The following LYPD6B variants were observed in gnomAD, a reference collection of about 807,000 sequenced individuals.
The protein encoded by LYPD6B is LY6/PLAUR domain containing 6B.
LYPD6B carries 17 observed loss-of-function variants against 22.8 expected under a neutral mutation model. The ratio of observed to expected loss-of-function variants is 0.75; its 90% confidence interval spans 0.51 to 1.12. The LOEUF is 1.12. LYPD6B is among the 50% of genes most tolerant of loss of function. The pLI is 0.00. For synonymous variants in LYPD6B, 106 were observed against 91.6 expected (o/e 1.16, Z -0.90); for missense variants, 221 against 258.3 (o/e 0.86, Z 0.99).
chr2:149,089,345 G>C, intron 1 of LYPD6B, among the ~76,000 whole-genome samples: 1 of 152,162 alleles, frequency 6.6e-6, no homozygotes, highest in East Asian at 1.9e-4. Flanking sequence ...TGGGGAGGCT[G>C]CTTCTGGATG....
At chr2:149,104,234 AT>A (rs1388259439) in intron 1 of LYPD6B, among the ~76,000 whole-genome samples, 1 of 152,166 alleles carries the variant, frequency 6.6e-6, no homozygotes, top group Non-Finnish European at 1.5e-5. Context: ...AGATCTTTGT[AT>A]GGATATATGT....
At chr2:149,204,845 G>C (rs1693403423) in intron 3 of LYPD6B, 1 of 160,544 alleles carries the variant, frequency 6.2e-6, no homozygotes, top group African/African-American at 2.4e-5. Flanking sequence ...TCAAGGAATG[G>C]AACTGACAGA....
intron 1 of LYPD6B, chr2:149,119,086 T>C (rs973344850): frequency 1.3e-5 from 2 of 152,350 alleles, no homozygotes; most frequent in Non-Finnish European, 1.5e-5. Flanking sequence ...ATAATTCCTT[T>C]ATTTCTTTTC....
intron 3 of LYPD6B, among the ~76,000 whole-genome samples, chr2:149,196,333 T>G (rs1351973982): frequency 6.6e-6 from 1 of 152,248 alleles, no homozygotes; most frequent in East Asian, 1.9e-4. Flanking sequence ...AAAGTCAGCA[T>G]GATATTCTTT....
rs115841081 is a variant in LYPD6B, at chr2:149,195,046, C to A, written c.78-10207C>A. ...ATGTTGTTAAAAGATTGTTACAAAA[C>A]TTAAAACATTGTTCACTTAAATGAA... On this transcript the variant is annotated intron_variant, in intron 3 of 6. Transcript: ENST00000409642. Among the ~76,000 whole-genome samples the A allele has an allele frequency of 6.6e-4, 101 of 152,336 alleles. 1 individual carries two copies. The highest frequency in any genetic ancestry group is 2.4e-3 in the African/African-American group (100 of 41,578).
chr2:149,045,868 T>G (rs1421468079), intron 1 of LYPD6B, among the ~76,000 whole-genome samples: 1 of 152,160 alleles, frequency 6.6e-6, no homozygotes, highest in Admixed American at 6.5e-5. Flanking sequence ...ATTCTGCTAT[T>G]GATGGGTGGG....
intron 1 of LYPD6B, among the ~76,000 whole-genome samples, chr2:149,095,671 C>T (rs1685871197): frequency 6.6e-6 from 1 of 151,784 alleles, no homozygotes; most frequent in African/African-American, 2.4e-5. Flanking sequence ...CAAGAGATCT[C>T]AAGTAAGTGA....
At chr2:149,119,768 G>A (rs185988447) in intron 1 of LYPD6B, among the ~76,000 whole-genome samples, 3 of 152,210 alleles carry the variant, frequency 2.0e-5, no homozygotes, top group Non-Finnish European at 4.4e-5. Context: ...CCCAAATGGC[G>A]ATGTTCATCC....
intron 1 of LYPD6B, among the ~76,000 whole-genome samples, chr2:149,083,957 C>A (rs1407935493): frequency 4.0e-5 from 6 of 150,740 alleles, no homozygotes; most frequent in South Asian, 2.1e-4. Flanking sequence ...ACAAAACAAA[C>A]AAAAAAAAAC....
chr2:149,110,251 A>G (rs1348137607), intron 1 of LYPD6B, among the ~76,000 whole-genome samples: 1 of 152,146 alleles, frequency 6.6e-6, no homozygotes, highest in Non-Finnish European at 1.5e-5. Context: ...GAGTACAGTT[A>G]TAATAGTTTC....
At chr2:149,167,720 C>A (rs1690523821) in intron 3 of LYPD6B, among the ~76,000 whole-genome samples, 1 of 152,108 alleles carries the variant, frequency 6.6e-6, no homozygotes, top group Non-Finnish European at 1.5e-5. Context: ...TAAGTCACTG[C>A]AATTTTGACT....
intron 1 of LYPD6B, among the ~76,000 whole-genome samples, chr2:149,085,335 T>C (rs1294713835): frequency 1.3e-5 from 2 of 152,220 alleles, no homozygotes; most frequent in Admixed American, 1.3e-4. Flanking sequence ...ATGTGCCAGG[T>C]CCATCTGCTA....
At chr2:149,090,491 T>C (rs1219972734) in intron 1 of LYPD6B, among the ~76,000 whole-genome samples, 1 of 152,198 alleles carries the variant, frequency 6.6e-6, no homozygotes, top group Non-Finnish European at 1.5e-5. Flanking sequence ...GAGGTATTCA[T>C]AGAATGTTAG....
At chr2:149,211,245 C>T (rs1248638330) in intron 5 of LYPD6B, among the ~76,000 whole-genome samples, 1 of 152,116 alleles carries the variant, frequency 6.6e-6, no homozygotes, top group Non-Finnish European at 1.5e-5. Flanking sequence ...CATGGGGGCT[C>T]ACAGTTTGAT....
At chr2:149,127,188 A>C (rs982078989) in intron 1 of LYPD6B, among the ~76,000 whole-genome samples, 1 of 151,976 alleles carries the variant, frequency 6.6e-6, no homozygotes, top group South Asian at 2.1e-4. Flanking sequence ...AGAATACTGG[A>C]TATTTGGTAA....
At chr2:149,156,639 A>G (rs943358089) in intron 2 of LYPD6B, among the ~76,000 whole-genome samples, 1 of 152,064 alleles carries the variant, frequency 6.6e-6, no homozygotes, top group Non-Finnish European at 1.5e-5. Context: ...ATTTCTTCTT[A>G]TAAGGTCACC....
intron 1 of LYPD6B, among the ~76,000 whole-genome samples, chr2:149,089,247 A>G (rs1296762531): frequency 1.3e-5 from 2 of 152,226 alleles, no homozygotes; most frequent in African/African-American, 4.8e-5. Flanking sequence ...CTTCTGTTGT[A>G]TAGAAATCTA....
intron 2 of LYPD6B, among the ~76,000 whole-genome samples, chr2:149,157,972 T>C (rs976549621): frequency 6.6e-6 from 1 of 152,198 alleles, no homozygotes; most frequent in East Asian, 1.9e-4. Flanking sequence ...TTTAGCCACA[T>C]GGTATGAAGA....
Position 149,150,006 on chromosome 2 carries a change from A to G in LYPD6B, c.6-10758A>G, listed in dbSNP as rs575085244. 8.0e-4 allele frequency among the ~76,000 whole-genome samples: 122 copies of G among 152,294 alleles called. 1 individual carries two copies. The highest frequency in any genetic ancestry group is 2.1e-4 in the Non-Finnish European group (14 of 68,026). Reference sequence around the variant, plus strand: ...TATCTATGACCTTTTGTTATATCAAAAGGCTCTAGTTAAATTAGTGGTAAC... The same window carrying G: ...TATCTATGACCTTTTGTTATATCAAGAGGCTCTAGTTAAATTAGTGGTAAC... On this transcript the variant is annotated intron_variant, in intron 2 of 6. Transcript: ENST00000409642.
Sources: gnomAD v4.1 joint callset for allele counts (sites outside exome capture counted in the v4.1 genomes callset) on GRCh38, gnomAD v4.1.1 for gene constraint, MANE v1.5 for transcripts, NCBI Gene and HGNC (gene_info 2026-07-23, HGNC 2026-07-21) for gene names.